The following MDGA2 variants were observed in gnomAD, a reference collection of about 807,000 sequenced individuals.
MDGA2 encodes the protein MAM domain containing glycosylphosphatidylinositol anchor 2, also known as MAM domain-containing glycosylphosphatidylinositol anchor protein 2.
MDGA2 carries 40 observed loss-of-function variants against 117.8 expected under a neutral mutation model. That is an observed-to-expected ratio of 0.34 (90% CI 0.26 to 0.44). The LOEUF (loss-of-function observed/expected upper bound fraction) is 0.44. Ranked by LOEUF, MDGA2 falls within the 20% of genes least tolerant of loss-of-function variation. MDGA2 has a pLI of 1.00. For synonymous variants in MDGA2, 452 were observed against 439.0 expected, an observed-to-expected ratio of 1.03 and a Z score of -0.37; for missense variants, 1,123 against 1,250.6, an observed-to-expected ratio of 0.90 and a Z score of 1.54.
chr14:47,518,784 G>A (rs1377689239), intron 1 of MDGA2, among the ~76,000 whole-genome samples: 8 of 152,172 alleles, frequency 5.3e-5, no homozygotes, highest in South Asian at 2.1e-4. Flanking sequence ...GGTGACACTA[G>A]AAGCTGTCAA....
intron 6 of MDGA2, among the ~76,000 whole-genome samples, chr14:47,085,856 C>T (rs1354428053): frequency 6.6e-6 from 1 of 151,922 alleles, no homozygotes; most frequent in Non-Finnish European, 1.5e-5. Flanking sequence ...AGTCATTGCA[C>T]AAAGCAATCT....
At chr14:47,511,983 G>T (rs1336790286) in intron 1 of MDGA2, among the ~76,000 whole-genome samples, 1 of 152,078 alleles carries the variant, frequency 6.6e-6, no homozygotes, top group East Asian at 1.9e-4. Context: ...ATTCCAAATT[G>T]CTCTAGCCAT....
intron 8 of MDGA2, among the ~76,000 whole-genome samples, chr14:46,965,652 G>A (rs1885998445): frequency 6.6e-6 from 1 of 152,098 alleles, no homozygotes; most frequent in African/African-American, 2.4e-5. Context: ...AAGCATACTA[G>A]CTATTAATAG....
chr14:47,181,264 T>A (rs1884693552), intron 3 of MDGA2, among the ~76,000 whole-genome samples: 1 of 152,088 alleles, frequency 6.6e-6, no homozygotes, highest in African/African-American at 2.4e-5. Flanking sequence ...CCCTGGTGTG[T>A]GATGTTCCCC....
intron 9 of MDGA2, among the ~76,000 whole-genome samples, chr14:46,940,864 T>C (rs911801362): frequency 6.6e-6 from 1 of 152,150 alleles, no homozygotes; most frequent in African/African-American, 2.4e-5. Context: ...GTGCTGAATA[T>C]CATTTGGGCA....
chr14:47,510,060 G>A (rs8019551), intron 1 of MDGA2, among the ~76,000 whole-genome samples: 63,780 of 151,878 alleles, frequency 0.42, 14,024 homozygotes, highest in East Asian at 0.61. Context: ...TTCGTACGTC[G>A]AATTCCTAAC....
chr14:47,209,073 A>G (rs1421890395), intron 3 of MDGA2, among the ~76,000 whole-genome samples: 3 of 152,082 alleles, frequency 2.0e-5, no homozygotes, highest in Non-Finnish European at 4.4e-5. Flanking sequence ...ATTCCTTAAC[A>G]TATTTAGTGA....
intron 8 of MDGA2, among the ~76,000 whole-genome samples, chr14:46,969,459 A>T (rs1041194780): frequency 2.0e-5 from 3 of 152,068 alleles, no homozygotes; most frequent in African/African-American, 7.2e-5. Context: ...GTGTGAGATG[A>T]TATCTCATTG....
At chr14:47,200,549 T>TTTTTTTTG in intron 3 of MDGA2, 1 of 592,444 alleles carries the variant, frequency 1.7e-6, no homozygotes, top group Non-Finnish European at 2.6e-6. Context: ...TTTTTTTTTT[T>TTTTTTTTG]GAGGAGTTAA....
chr14:46,852,380 A>G (rs918380380), intron 15 of MDGA2, among the ~76,000 whole-genome samples: 2 of 151,678 alleles, frequency 1.3e-5, no homozygotes, highest in Non-Finnish European at 2.9e-5. Flanking sequence ...GCCATGGTGC[A>G]AGTAGAGGAA....
rs377627666 is a variant in MDGA2 at position 47,600,723 on chromosome 14, T to TAAAAAAA, written c.280+73787_280+73793dup. Among the ~76,000 whole-genome samples the TAAAAAAA allele has an allele frequency of 6.9e-3, 967 of 140,042 alleles. 8 individuals are homozygous for TAAAAAAA. Among genetic ancestry groups the TAAAAAAA allele is most frequent in the African/African-American group, 0.024 (888 of 36,588 alleles). The allele number at this position is 140,042 out of a possible 152,430, so 91.9% of individuals were successfully genotyped here. On this transcript the variant is annotated intron_variant, in intron 1 of 16. Transcript: ENST00000399232. ...GTTGTGTCTTTTCTCATCGGATCAT[T>TAAAAAAA]AAAAAAAAAAAAAGTAGGGAAGAGT...
intron 1 of MDGA2, chr14:47,343,215 T>TTTGG (rs1566747404): frequency 8.8e-7 from 1 of 1,139,444 alleles, no homozygotes; most frequent in Non-Finnish European, 1.1e-6. Context: ...TGGTGATTTT[T>TTTGG]TTTGTTTGTT....
chr14:47,520,126 A>C (rs1363733224), intron 1 of MDGA2, among the ~76,000 whole-genome samples: 6 of 152,234 alleles, frequency 3.9e-5, no homozygotes, highest in Non-Finnish European at 8.8e-5. Context: ...CCTCTGAGCC[A>C]TATTCCCTAG....
intron 10 of MDGA2, among the ~76,000 whole-genome samples, chr14:46,904,071 G>A (rs546205027): frequency 3.9e-5 from 6 of 151,996 alleles, no homozygotes; most frequent in Non-Finnish European, 8.8e-5. Context: ...ATATAAAAAT[G>A]GCCAATTTTG....
At chr14:47,633,501 T>C (rs986694687) in intron 1 of MDGA2, among the ~76,000 whole-genome samples, 2 of 152,242 alleles carry the variant, frequency 1.3e-5, no homozygotes, top group African/African-American at 4.8e-5. Context: ...AAATGTGAGA[T>C]GTTAGTTTAT....
intron 3 of MDGA2, among the ~76,000 whole-genome samples, chr14:47,196,227 G>T (rs894675405): frequency 6.6e-6 from 1 of 152,006 alleles, no homozygotes; most frequent in African/African-American, 2.4e-5. Context: ...TTTATGTAAA[G>T]CACCAAACAC....
chr14:47,422,502 C>T (rs1892600171), intron 1 of MDGA2, among the ~76,000 whole-genome samples: 1 of 152,076 alleles, frequency 6.6e-6, no homozygotes, highest in Admixed American at 6.6e-5. Flanking sequence ...AGCTAAGAAC[C>T]ATTTAAAAGC....
chr14:46,915,718 G>A (rs1427117682), intron 10 of MDGA2, among the ~76,000 whole-genome samples: 1 of 152,160 alleles, frequency 6.6e-6, no homozygotes, highest in Non-Finnish European at 1.5e-5. Context: ...AAGGTCTGCA[G>A]AAGGGGAAGG....
chr14:47,531,137 C>T (rs545611383), intron 1 of MDGA2, among the ~76,000 whole-genome samples: 1 of 152,062 alleles, frequency 6.6e-6, no homozygotes, highest in East Asian at 1.9e-4. Context: ...CCCAGCTACT[C>T]GGGAGGCTGA....
Sources: gnomAD v4.1 joint callset for allele counts (sites outside exome capture counted in the v4.1 genomes callset) on GRCh38, gnomAD v4.1.1 for gene constraint, MANE v1.5 for transcripts, NCBI Gene and HGNC (gene_info 2026-07-23, HGNC 2026-07-21) for gene names.